The following PDK1 variants were observed in gnomAD, a reference collection of about 807,000 sequenced individuals.
The protein encoded by PDK1 is pyruvate dehydrogenase kinase 1, also known as [Pyruvate dehydrogenase (acetyl-transferring)] kinase isozyme 1, mitochondrial.
A neutral mutation model predicts 54.2 loss-of-function variants in PDK1; 39 were observed. That is an observed-to-expected ratio of 0.72 (90% CI 0.56 to 0.94). The LOEUF is 0.94. PDK1 is among the 40% of genes least tolerant of loss of function. The pLI is 0.00. For synonymous variants in PDK1, 221 were observed against 207.1 expected (o/e 1.07, Z -0.58); for missense variants, 552 against 566.0 (o/e 0.98, Z 0.25).
chr2:172,611,104 G>A (rs571600824), downstream of PDK1, among the ~76,000 whole-genome samples: 9 of 152,198 alleles, frequency 5.9e-5, no homozygotes, highest in Admixed American at 5.2e-4. Flanking sequence ...TAAAATCAGA[G>A]ACTTAGGGCT....
chr2:172,688,059 G>T, the PDK1 span, among the ~76,000 whole-genome samples: 1 of 152,186 alleles, frequency 6.6e-6, no homozygotes, highest in Non-Finnish European at 1.5e-5. Flanking sequence ...GATGGCAATT[G>T]GGACTACTTT....
chr2:172,615,671 GGTAA>G, the PDK1 span, among the ~76,000 whole-genome samples: 1 of 151,834 alleles, frequency 6.6e-6, no homozygotes, highest in Non-Finnish European at 1.5e-5. Flanking sequence ...CTTCACCAAG[GGTAA>G]GTAATATCTT....
chr2:172,679,862 G>A, the PDK1 span, among the ~76,000 whole-genome samples: 1 of 150,860 alleles, frequency 6.6e-6, no homozygotes, highest in Non-Finnish European at 1.5e-5. Flanking sequence ...CTAACCTTAG[G>A]GTTTTGGGTT....
chr2:172,711,880 A>AG, the PDK1 span, among the ~76,000 whole-genome samples: 2 of 150,054 alleles, frequency 1.3e-5, no homozygotes, highest in Non-Finnish European at 3.0e-5. Context: ...AAAAAAAAAA[A>AG]AAAAAAAAAA....
At chr2:172,694,775 T>A in the PDK1 span, among the ~76,000 whole-genome samples, 1 of 152,198 alleles carries the variant, frequency 6.6e-6, no homozygotes. Context: ...TATACATAGC[T>A]CTCATTTGTT....
the PDK1 span, among the ~76,000 whole-genome samples, chr2:172,620,147 C>T: frequency 0.02 from 2,985 of 152,286 alleles, 87 homozygotes; most frequent in African/African-American, 0.067. Flanking sequence ...GTCTGGATGA[C>T]AGAGTGAGGC....
chr2:172,616,725 A>G, the PDK1 span, among the ~76,000 whole-genome samples: 4 of 152,082 alleles, frequency 2.6e-5, no homozygotes, highest in Admixed American at 2.0e-4. Context: ...TTTTTAAATT[A>G]TTAGGTTAAT....
At chr2:172,674,597 G>T in the PDK1 span, 1 of 152,448 alleles carries the variant, frequency 6.6e-6, no homozygotes. Context: ...CCCCTCTGCA[G>T]AAGTCGTCAG....
chr2:172,619,145 C>T, the PDK1 span, among the ~76,000 whole-genome samples: 176 of 152,286 alleles, frequency 1.2e-3, no homozygotes, highest in South Asian at 6.6e-3. Context: ...AATCATTCTG[C>T]CACCCCCTGC....
the PDK1 span, among the ~76,000 whole-genome samples, chr2:172,617,341 A>G: frequency 6.6e-6 from 1 of 152,154 alleles, no homozygotes; most frequent in East Asian, 1.9e-4. Flanking sequence ...TTCTTATTAA[A>G]TGAAATAATT....
chr2:172,718,919 A>G, the PDK1 span, among the ~76,000 whole-genome samples: 2 of 152,226 alleles, frequency 1.3e-5, no homozygotes, highest in African/African-American at 4.8e-5. Flanking sequence ...AAAGTTGTAC[A>G]ACTACCACTA....
chr2:172,679,078 T>C, the PDK1 span: 1 of 152,224 alleles, frequency 6.6e-6, no homozygotes, highest in Non-Finnish European at 1.5e-5. Flanking sequence ...TGTGTGCCTT[T>C]AGGGATAATG....
intron 8 of PDK1, among the ~76,000 whole-genome samples, chr2:172,582,006 G>A (rs546756842): frequency 3.7e-4 from 57 of 152,004 alleles, no homozygotes; most frequent in African/African-American, 1.3e-3. Context: ...TCTCTTTCCC[G>A]GGTTCAAGCA....
chr2:172,632,424 G>A, the PDK1 span, among the ~76,000 whole-genome samples: 23 of 152,054 alleles, frequency 1.5e-4, no homozygotes, highest in Non-Finnish European at 2.5e-4. Flanking sequence ...ATCTTCCTTC[G>A]TGAAAGAATT....
chr2:172,721,553 G>A, the PDK1 span, among the ~76,000 whole-genome samples: 5 of 152,294 alleles, frequency 3.3e-5, no homozygotes, highest in Admixed American at 6.5e-5. Flanking sequence ...GGCCAGGCTG[G>A]TCTCGAACTC....
the PDK1 span, among the ~76,000 whole-genome samples, chr2:172,720,657 A>G: frequency 2.0e-5 from 3 of 152,132 alleles, no homozygotes; most frequent in African/African-American, 7.2e-5. Flanking sequence ...GGAGACTTCT[A>G]TTAGTAATGG....
At chr2:172,686,675 A>T in the PDK1 span, among the ~76,000 whole-genome samples, 1 of 152,206 alleles carries the variant, frequency 6.6e-6, no homozygotes, top group Non-Finnish European at 1.5e-5. Context: ...GCTGCTGCTC[A>T]CTGTCTGCTG....
intron 9 of PDK1, among the ~76,000 whole-genome samples, chr2:172,587,011 C>A (rs1380449841): frequency 6.6e-6 from 1 of 152,174 alleles, no homozygotes; most frequent in African/African-American, 2.4e-5. Context: ...GAACTCTATT[C>A]TTCTAGGCTT....
At chr2:172,670,298 T>G in the PDK1 span, among the ~76,000 whole-genome samples, 1 of 152,234 alleles carries the variant, frequency 6.6e-6, no homozygotes, top group Non-Finnish European at 1.5e-5. Context: ...TTCTAGGATC[T>G]CCAGTGTTGC....
Sources: gnomAD v4.1 joint callset for allele counts (sites outside exome capture counted in the v4.1 genomes callset) on GRCh38, gnomAD v4.1.1 for gene constraint, MANE v1.5 for transcripts, NCBI Gene and HGNC (gene_info 2026-07-23, HGNC 2026-07-21) for gene names.